Variants in ZNF564 observed in about 807,000 individuals in gnomAD.
ZNF564 encodes zinc finger protein 564.
ZNF564 carries 5 observed loss-of-function variants against 10.5 expected under a neutral mutation model. That is an observed-to-expected ratio of 0.48 (90% CI 0.25 to 1.00). ZNF564 has a LOEUF of 1.00. Ranked by LOEUF, ZNF564 falls within the 50% of genes least tolerant of loss-of-function variation. The pLI is 0.16. For synonymous variants in ZNF564, 242 were observed against 218.1 expected, an observed-to-expected ratio of 1.11 and a Z score of -0.97; for missense variants, 603 against 669.7, an observed-to-expected ratio of 0.90 and a Z score of 1.10.
chr19:12,533,584 G>A (rs2021848870), intron 1 of ZNF564, among the ~76,000 whole-genome samples: 7 of 151,914 alleles, frequency 4.6e-5, no homozygotes, highest in Admixed American at 4.6e-4. Flanking sequence ...AAAATTAGCT[G>A]GGTGTGGTGG....
At chr19:12,529,567 T>C (rs942544847) in intron 1 of ZNF564, among the ~76,000 whole-genome samples, 6 of 150,398 alleles carry the variant, frequency 4.0e-5, no homozygotes, top group African/African-American at 1.5e-4. Flanking sequence ...GATCATGCCA[T>C]TGCACTCCAG....
intron 1 of ZNF564, among the ~76,000 whole-genome samples, chr19:12,529,072 CAAACAAAAAACA>C (rs1005081929): frequency 6.6e-6 from 1 of 151,926 alleles, no homozygotes; most frequent in African/African-American, 2.4e-5. Flanking sequence ...CTCAAACAAA[CAAACAAAAAACA>C]AAACAAAAAA....
At chr19:12,531,938 C>A (rs1468973476) in intron 1 of ZNF564, among the ~76,000 whole-genome samples, 1 of 151,908 alleles carries the variant, frequency 6.6e-6, no homozygotes, top group Non-Finnish European at 1.5e-5. Flanking sequence ...ACTTTAAATA[C>A]AAAGACACAC....
At chr19:12,548,175 T>C (rs901828425) in intron 1 of ZNF564, 252 of 983,266 alleles carry the variant, frequency 2.6e-4, no homozygotes, top group Non-Finnish European at 3.0e-4. Context: ...AAACTTACCA[T>C]TTATGTATAT....
chr19:12,528,340 A>G lies in ZNF564; in HGVS notation c.155T>C (p.Ile52Thr). The G allele has an allele frequency of 6.2e-7, 1 of 1,610,670 alleles. No homozygotes were observed. The highest frequency in any genetic ancestry group is 8.5e-7 in the Non-Finnish European group (1 of 1,179,284). The change falls in exon 3 of 4, where the codon ATT becomes ACT. Residue 52 changes from isoleucine to threonine, a missense_variant. Coordinates refer to ENST00000339282, the MANE Select transcript of ZNF564 (RefSeq NM_144976.4). ...CCCCTGATTTTTGTACCAATCTTCA[A>G]TGCTCTGGTCTTCCCATTTTTTTCC... The part of the protein sequence containing the change: ...CVGKKWEDQS[I>T]EDWYKNQGRI...
chr19:12,527,096 C>A lies in ZNF564; in HGVS notation c.1012G>T (p.Glu338Ter), dbSNP rs1306649498. The A allele has an allele frequency of 6.2e-7, 1 of 1,613,992 alleles. No homozygotes were observed. The highest frequency in any genetic ancestry group is 8.5e-7 in the Non-Finnish European group (1 of 1,180,024). Residue 338 changes from glutamate to a stop codon, truncating the protein, a stop_gained, in exon 4 of 4, where the codon GAA (glutamate) becomes TAA (stop). Coordinates refer to ENST00000339282, the MANE Select transcript of ZNF564 (RefSeq NM_144976.4). LOFTEE classifies it low-confidence loss of function (END_TRUNC). The part of the protein sequence containing the change: ...ERTHTGEKPY[E>*]CNKCGKTFSS... ...AAGGTTTTACCACATTTATTACATT[C>A]ATAGGGTTTCTCCCCAGTATGAGTT...
In ZNF564 at chr19:12,528,629, G is replaced by C. The variant is rs767090128; in HGVS notation, c.71C>G (p.Ser24Cys). 3.3e-5 allele frequency: 53 copies of C among 1,613,918 alleles called. No homozygotes were observed. The highest frequency in any genetic ancestry group is 4.5e-5 in the Non-Finnish European group (53 of 1,180,014). The change falls in exon 2 of 4, where the codon TCC (serine) becomes TGC (cysteine). Residue 24 changes from serine to cysteine, a missense_variant. By Grantham distance (112) the Ser-to-Cys change is moderately radical. Coordinates refer to ENST00000339282, the MANE Select transcript of ZNF564 (RefSeq NM_144976.4). ...CACATCTCTGTAGAGTTTCTTCTGGGAAGGATCCAGCAAAGCCCACTCCTC... is the reference window on the plus strand; with the variant it reads ...CACATCTCTGTAGAGTTTCTTCTGGCAAGGATCCAGCAAAGCCCACTCCTC... The part of the protein sequence containing the change: ...TLEEWALLDP[S>C]QKKLYRDVMR...
chr19:12,526,176 C>T lies in ZNF564; in HGVS notation c.*270G>A. On this transcript the variant is annotated 3_prime_UTR_variant, in exon 4 of 4. Transcript: ENST00000339282. ...ATGAAGCCTAATGTTTAAACTCAAA[C>T]TCCAAAGTGTCATCTCAATATCACA... 1 of 317,464 alleles carries T rather than the reference C, an allele frequency of 3.1e-6. No homozygotes were observed. Among genetic ancestry groups the T allele is most frequent in the South Asian group, 6.7e-5 (1 of 15,030 alleles). 19.7% of individuals were successfully genotyped at this position (317,464 alleles called of 1,614,324 possible). A position where few individuals can be genotyped will look rare whatever the true frequency, so the allele number is the denominator to read the frequency against.
At chr19:12,534,683 A>T (rs576867127) in intron 1 of ZNF564, among the ~76,000 whole-genome samples, 1 of 152,076 alleles carries the variant, frequency 6.6e-6, no homozygotes, top group East Asian at 1.9e-4. Context: ...GCATGGTGGC[A>T]CATGCATGTA....
rs1425449223 is a variant in ZNF564, at chr19:12,527,134, C to T, written c.974G>A (p.Arg325Gln). ...CCCAGTATGAGTTCTTTCATGCTTT[C>T]GAACATAACTGGGAAAAATAAAGGC... ...GRAFIFPSYV[R>Q]KHERTHTGEK... The change falls in exon 4 of 4, where the codon CGA becomes CAA. Residue 325 changes from arginine to glutamine, a missense_variant. Transcript: ENST00000339282. 18 of 1,613,872 alleles carry T rather than the reference C, an allele frequency of 1.1e-5. No individual in the cohort carries two copies. Among genetic ancestry groups the T allele is most frequent in the Non-Finnish European group, 1.4e-5 (16 of 1,179,976 alleles).
chr19:12,528,428 T>C, intron 2 of ZNF564, 64 bp from the exon 3 acceptor site: 2 of 1,576,834 alleles, frequency 1.3e-6, no homozygotes, highest in South Asian at 1.1e-5. Context: ...GACTAGATTC[T>C]AAGTTCATGA....
At chr19:12,530,963 T>TAC (rs1266850409) in intron 1 of ZNF564, among the ~76,000 whole-genome samples, 7 of 152,240 alleles carry the variant, frequency 4.6e-5, no homozygotes, top group African/African-American at 1.4e-4. Context: ...GATGGGGTCT[T>TAC]ACTTTGTTGC....
At chr19:12,550,276 G>C (rs2022228024) in intron 1 of ZNF564, 1 of 147,204 alleles carries the variant, frequency 6.8e-6, no homozygotes, top group African/African-American at 2.5e-5. Flanking sequence ...TGGGCAATAA[G>C]AGCGAAACTC....
chr19:12,534,159 T>C (rs1448511687), intron 1 of ZNF564, among the ~76,000 whole-genome samples: 4 of 152,084 alleles, frequency 2.6e-5, no homozygotes, highest in African/African-American at 9.7e-5. Context: ...GGTAAGAATG[T>C]CTTCTCTCAC....
In ZNF564 at chr19:12,526,716, G is replaced by C. The variant is rs1055718957; in HGVS notation, c.1392C>G (p.Val464=). The change falls in exon 4 of 4, where the codon GTC becomes GTG. Residue 464 remains valine (V), a synonymous_variant. Coordinates refer to ENST00000339282, the MANE Select transcript of ZNF564 (RefSeq NM_144976.4). ...CGKAFDCPSS[V]RTHERTHTGE... is the part of the protein sequence containing the mutation. ...CAGTATGAGTTCTTTCATGTGTTCG[G>C]ACAGAACTAGGACAGTCAAAGGCTT... The C allele has an allele frequency of 1.2e-6, 2 of 1,613,658 alleles. No homozygotes were observed. The highest frequency in any genetic ancestry group is 1.7e-6 in the Non-Finnish European group (2 of 1,179,914).
At position 12,526,911 on chromosome 19, in the gene ZNF564, A is replaced by G. The variant is rs377451531; in HGVS notation, c.1197T>C (p.Gly399=). ...ATGAACTGGGACAGTCAAAGGCTCT[A>G]CCACATACCTGACATTTATAAGGTC... ...GDGPYKCQVC[G]RAFDCPSSFQ... The change falls in exon 4 of 4, where the codon GGT becomes GGC. Residue 399 remains glycine (G), a synonymous_variant. Transcript: ENST00000339282. The G allele has an allele frequency of 4.3e-6, 7 of 1,613,814 alleles. No individual in the cohort carries two copies. In the African/African-American group the frequency reaches 9.4e-5, roughly 22 times the overall value.
chr19:12,526,352 G>T lies in ZNF564; in HGVS notation c.*94C>A. 1 of 1,267,220 alleles carries T rather than the reference G, an allele frequency of 7.9e-7. No individual in the cohort carries two copies. The highest frequency in any genetic ancestry group is 1.1e-6 in the Non-Finnish European group (1 of 918,624). The allele number at this position is 1,267,220 out of a possible 1,614,324, so 78.5% of individuals were successfully genotyped here. Reference sequence around the variant, plus strand: ...TTCCAAAAGTGAGAAACAGGAGAAAGGGGTGAGCTCCCAAACAAGTCTGAA... The same window carrying T: ...TTCCAAAAGTGAGAAACAGGAGAAATGGGTGAGCTCCCAAACAAGTCTGAA... On this transcript the variant is annotated 3_prime_UTR_variant, in exon 4 of 4. Coordinates refer to ENST00000339282, the MANE Select transcript of ZNF564 (RefSeq NM_144976.4).
intron 1 of ZNF564, among the ~76,000 whole-genome samples, chr19:12,535,844 C>T (rs1029474157): frequency 7.2e-5 from 11 of 152,088 alleles, no homozygotes; most frequent in African/African-American, 2.7e-4. Context: ...TGAAATCCAT[C>T]TCTACTAAAA....
rs2021666990 is a variant in ZNF564, at chr19:12,525,612, C to T, written c.*834G>A. 1 of 152,198 alleles carries T rather than the reference C, an allele frequency of 6.6e-6. No individual in the cohort carries two copies. The highest frequency in any genetic ancestry group is 1.9e-4 in the East Asian group (1 of 5,200). 9.4% of individuals were successfully genotyped at this position (152,198 alleles called of 1,614,324 possible). On this transcript the variant is annotated 3_prime_UTR_variant, in exon 4 of 4. Coordinates refer to ENST00000339282, the MANE Select transcript of ZNF564 (RefSeq NM_144976.4). ...GCATTGTTACGTGCTTATTGGCCAT[C>T]TGGGTATCTTCTTTGGAGAAATGTC...
Sources: gnomAD v4.1 joint callset for allele counts (sites outside exome capture counted in the v4.1 genomes callset) on GRCh38, gnomAD v4.1.1 for gene constraint, MANE v1.5 for transcripts, NCBI Gene and HGNC (gene_info 2026-07-23, HGNC 2026-07-21) for gene names.